ITPR1: variants seen among roughly 807,000 people sequenced by gnomAD.
ITPR1 encodes the protein inositol 1,4,5-trisphosphate receptor type 1.
ITPR1 carries 96 observed loss-of-function variants against 318.4 expected under a neutral mutation model. The ratio of observed to expected loss-of-function variants is 0.30; its 90% confidence interval spans 0.26 to 0.36. The LOEUF is 0.36. Among genes scored for constraint, ITPR1 ranks in the 10% least tolerant of loss-of-function variants. The pLI is 1.00. For synonymous variants in ITPR1, 1,312 were observed against 1,289.9 expected, an observed-to-expected ratio of 1.02 and a Z score of -0.37; for missense variants, 2,440 against 3,460.2, an observed-to-expected ratio of 0.71 and a Z score of 7.40.
At chr3:4,510,709 T>A (rs2081749483) in intron 2 of ITPR1, among the ~76,000 whole-genome samples, 1 of 152,166 alleles carries the variant, frequency 6.6e-6, no homozygotes, top group African/African-American at 2.4e-5. Context: ...CACAAGTAAA[T>A]GTGAACTTGT....
At chr3:4,810,693 T>A (rs1465306521) in intron 55 of ITPR1, among the ~76,000 whole-genome samples, 1 of 152,132 alleles carries the variant, frequency 6.6e-6, no homozygotes, top group African/African-American at 2.4e-5. Flanking sequence ...CAACTCTACA[T>A]CCTCCAGTCT....
intron 40 of ITPR1, among the ~76,000 whole-genome samples, chr3:4,723,060 A>G (rs1357879042): frequency 6.6e-6 from 1 of 152,232 alleles, no homozygotes; most frequent in Non-Finnish European, 1.5e-5. Flanking sequence ...AGGCAGGAGA[A>G]TCGCTTGAAC....
intron 40 of ITPR1, among the ~76,000 whole-genome samples, chr3:4,721,172 G>GTATATACATATATATATA (rs2042132468): frequency 8.0e-6 from 1 of 125,080 alleles, no homozygotes; most frequent in African/African-American, 3.6e-5. Flanking sequence ...GTGTGTGCGT[G>GTATATACATATATATATA]TATATATATA....
intron 52 of ITPR1, among the ~76,000 whole-genome samples, chr3:4,788,352 C>A (rs1323502514): frequency 3.3e-5 from 5 of 152,328 alleles, no homozygotes; most frequent in African/African-American, 1.2e-4. Flanking sequence ...AGGCTTCCTT[C>A]ATCAGAATTT....
At chr3:4,505,048 A>G (rs993382171) in intron 2 of ITPR1, among the ~76,000 whole-genome samples, 15 of 151,902 alleles carry the variant, frequency 9.9e-5, no homozygotes, top group African/African-American at 3.4e-4. Context: ...TGCTTGACCT[A>G]AAAAGTGAAA....
At chr3:4,598,101 G>A (rs1176308844) in intron 4 of ITPR1, among the ~76,000 whole-genome samples, 1 of 152,186 alleles carries the variant, frequency 6.6e-6, no homozygotes, top group Admixed American at 6.5e-5. Flanking sequence ...AGGGTCTATG[G>A]GGCCTTGCAT....
At chr3:4,807,616 T>C (rs893743978) in intron 55 of ITPR1, among the ~76,000 whole-genome samples, 7 of 152,200 alleles carry the variant, frequency 4.6e-5, no homozygotes, top group African/African-American at 1.4e-4. Flanking sequence ...GAATTCACCG[T>C]TCAGATCACT....
intron 57 of ITPR1, among the ~76,000 whole-genome samples, chr3:4,813,856 A>G (rs539632967): frequency 6.1e-4 from 93 of 152,314 alleles, no homozygotes; most frequent in African/African-American, 2.2e-3. Context: ...TTGGAAGATG[A>G]GTGATGAAAT....
intron 44 of ITPR1, among the ~76,000 whole-genome samples, chr3:4,753,778 A>G (rs2044729985): frequency 2.6e-5 from 4 of 152,086 alleles, no homozygotes; most frequent in Non-Finnish European, 5.9e-5. Context: ...TGTGGAGAGC[A>G]GCGAAGGGAA....
intron 9 of ITPR1, 45 bp from the exon 10 acceptor site, chr3:4,645,537 T>C (rs770767734): frequency 6.2e-7 from 1 of 1,608,250 alleles, no homozygotes; most frequent in African/African-American, 1.3e-5. Context: ...CTAATTCTCT[T>C]TTTAAATTCT....
intron 44 of ITPR1, among the ~76,000 whole-genome samples, chr3:4,752,157 A>G (rs923875080): frequency 1.3e-5 from 2 of 152,190 alleles, no homozygotes; most frequent in Non-Finnish European, 2.9e-5. Context: ...TATATATTTT[A>G]TTGCTCTTCG....
In ITPR1 at chr3:4,538,228, G is replaced by A. The variant is rs556682471; in HGVS notation, c.163+17134G>A. Among the ~76,000 whole-genome samples the A allele has an allele frequency of 1.3e-4, 20 of 152,148 alleles. No individual in the cohort carries two copies. The South Asian group carries it at 4.2e-3, about 32-fold the overall frequency. Reference sequence around the variant, plus strand: ...AAAAACCAAACAACCCTATTAAAAAGCAAGCAAAGGACATGAACAGACACT... The same window carrying A: ...AAAAACCAAACAACCCTATTAAAAAACAAGCAAAGGACATGAACAGACACT... On this transcript the variant is annotated intron_variant, in intron 4 of 61. Transcript: ENST00000649015.
At chr3:4,762,384 A>G (rs1034457116) in intron 44 of ITPR1, among the ~76,000 whole-genome samples, 6 of 152,210 alleles carry the variant, frequency 3.9e-5, no homozygotes, top group Non-Finnish European at 8.8e-5. Flanking sequence ...CCCATTTTGC[A>G]GATGAGAAGA....
At chr3:4,572,836 A>G (rs2088174361) in intron 4 of ITPR1, among the ~76,000 whole-genome samples, 1 of 152,120 alleles carries the variant, frequency 6.6e-6, no homozygotes, top group Admixed American at 6.5e-5. Context: ...CTGGAGTCAT[A>G]TTGTATTTGT....
chr3:4,831,114 C>A (rs1575411707), intron 60 of ITPR1: 1 of 309,022 alleles, frequency 3.2e-6, no homozygotes, highest in Non-Finnish European at 6.2e-6. Flanking sequence ...TTGTCTCTCT[C>A]TCTCTCTCTC....
intron 11 of ITPR1, among the ~76,000 whole-genome samples, chr3:4,652,797 T>C (rs1380205177): frequency 1.3e-5 from 2 of 152,074 alleles, no homozygotes; most frequent in Non-Finnish European, 2.9e-5. Flanking sequence ...AGGAGTTCAA[T>C]ATCAGCCTGG....
At chr3:4,772,561 C>A (rs2046251976) in intron 46 of ITPR1, among the ~76,000 whole-genome samples, 1 of 152,208 alleles carries the variant, frequency 6.6e-6, no homozygotes, top group Non-Finnish European at 1.5e-5. Flanking sequence ...TGCTTTTCCC[C>A]TGGGGTAATG....
chr3:4,653,071 A>G (rs1258143727), intron 11 of ITPR1, among the ~76,000 whole-genome samples: 2 of 152,328 alleles, frequency 1.3e-5, no homozygotes, highest in South Asian at 4.1e-4. Flanking sequence ...TAATTTTTGT[A>G]TCAAATGAAG....
At chr3:4,506,476 C>T (rs1286842689) in intron 2 of ITPR1, among the ~76,000 whole-genome samples, 2 of 152,200 alleles carry the variant, frequency 1.3e-5, no homozygotes, top group African/African-American at 4.8e-5. Context: ...GCCAAAATTG[C>T]ATTGTCACTT....
Sources: gnomAD v4.1 joint callset for allele counts (sites outside exome capture counted in the v4.1 genomes callset) on GRCh38, gnomAD v4.1.1 for gene constraint, MANE v1.5 for transcripts, NCBI Gene and HGNC (gene_info 2026-07-23, HGNC 2026-07-21) for gene names.